The following RAP1B variants were observed in gnomAD, a reference collection of about 807,000 sequenced individuals.
RAP1B encodes RAP1B, member of RAS oncogene family.
A neutral mutation model predicts 27.5 loss-of-function variants in RAP1B; 1 was observed. The observed-to-expected ratio is 0.04, with a 90% CI of 0.01 to 0.17. RAP1B has a LOEUF of 0.17. Among genes scored for constraint, RAP1B ranks in the 10% least tolerant of loss-of-function variants. RAP1B has a pLI of 1.00. For synonymous variants in RAP1B, 75 were observed against 73.1 expected (o/e 1.03, Z -0.13); for missense variants, 84 against 214.8 (o/e 0.39, Z 3.81).
At chr12:68,655,044 C>T (rs1016853445) in intron 5 of RAP1B, among the ~76,000 whole-genome samples, 1 of 152,112 alleles carries the variant, frequency 6.6e-6, no homozygotes, top group Admixed American at 6.5e-5. Flanking sequence ...GGCATGGTGG[C>T]TCACACCTCT....
chr12:68,631,958 G>C (rs967229588), intron 1 of RAP1B, among the ~76,000 whole-genome samples: 17 of 151,978 alleles, frequency 1.1e-4, no homozygotes, highest in African/African-American at 4.1e-4. Flanking sequence ...CCTCAGACAT[G>C]AGACTTTCCG....
rs368267277 is a variant in RAP1B, at chr12:68,638,226, T to C, written c.-26-10473T>C. Among the ~76,000 whole-genome samples the C allele has an allele frequency of 2.0e-5, 3 of 152,344 alleles. No individual in the cohort carries two copies. The South Asian group carries it at 6.2e-4, about 32-fold the overall frequency. Reference sequence around the variant, plus strand: ...TTGTTTTTAACTTCTTTTTATATTTTACTTCCCAGTCTTAATCTCTGTAAC... The same window carrying C: ...TTGTTTTTAACTTCTTTTTATATTTCACTTCCCAGTCTTAATCTCTGTAAC... On this transcript the variant is annotated intron_variant, in intron 1 of 7. Coordinates refer to ENST00000250559, the MANE Select transcript of RAP1B (RefSeq NM_001010942.3).
At chr12:68,647,573 CTTTT>C (rs535209428) in intron 1 of RAP1B, among the ~76,000 whole-genome samples, 1 of 142,006 alleles carries the variant, frequency 7.0e-6, no homozygotes, top group African/African-American at 2.6e-5. Flanking sequence ...CTTTTTTTCC[CTTTT>C]TTTTTTTTTT....
intron 1 of RAP1B, 33 bp downstream of exon 1, chr12:68,611,076 A>AGCCGCGGCGGCG (rs1870530340): frequency 4.1e-6 from 1 of 246,400 alleles, no homozygotes; most frequent in Non-Finnish European, 7.7e-6. Flanking sequence ...CGCTGAGGGA[A>AGCCGCGGCGGCG]GCCGCGGCGG....
At chr12:68,647,169 C>G (rs554557520) in intron 1 of RAP1B, among the ~76,000 whole-genome samples, 1 of 152,228 alleles carries the variant, frequency 6.6e-6, no homozygotes, top group South Asian at 2.1e-4. Context: ...TCTCATGCCT[C>G]GGCTTTGCGA....
intron 1 of RAP1B, among the ~76,000 whole-genome samples, chr12:68,630,097 A>G (rs1476005473): frequency 6.6e-6 from 1 of 152,186 alleles, no homozygotes; most frequent in Non-Finnish European, 1.5e-5. Context: ...CATTCTCAAC[A>G]CTGCACTTAG....
intron 1 of RAP1B, among the ~76,000 whole-genome samples, chr12:68,613,041 A>G (rs1870717262): frequency 6.6e-6 from 1 of 152,184 alleles, no homozygotes; most frequent in African/African-American, 2.4e-5. Context: ...TTAATTTTAA[A>G]ATGTTGTATG....
intron 1 of RAP1B, among the ~76,000 whole-genome samples, chr12:68,622,202 G>A (rs533761845): frequency 8.4e-4 from 128 of 152,120 alleles, no homozygotes; most frequent in African/African-American, 2.9e-3. Context: ...AGGTCTTTTC[G>A]GGCTTTCAAA....
rs63676662 is a variant in RAP1B at position 68,662,008 on chromosome 12, C to CTATATATATATATA, written c.*2771_*2784dup. Reference sequence around the variant, plus strand: ...TGAATGCCAGTGCTATCCTCTAGGTCTATATATATATATATATATATATAT... The same window carrying CTATATATATATATA: ...TGAATGCCAGTGCTATCCTCTAGGTCTATATATATATATATATATATATATATATATATATATAT... On this transcript the variant is annotated 3_prime_UTR_variant, in exon 8 of 8. Transcript: ENST00000250559. 2.3e-3 allele frequency: 309 copies of CTATATATATATATA among 133,826 alleles called. No individual in the cohort carries two copies. Among genetic ancestry groups the CTATATATATATATA allele is most frequent in the Admixed American group, 3.2e-3 (42 of 13,028 alleles). The allele number at this position is 133,826 out of a possible 1,614,324, so 8.3% of individuals were successfully genotyped here.
At chr12:68,613,749 A>AGC (rs1419466835) in intron 1 of RAP1B, among the ~76,000 whole-genome samples, 1 of 152,246 alleles carries the variant, frequency 6.6e-6, no homozygotes, top group Non-Finnish European at 1.5e-5. Flanking sequence ...TGTAATGGTT[A>AGC]GCGTTTGAAT....
chr12:68,632,021 CT>C (rs1307154610), intron 1 of RAP1B, among the ~76,000 whole-genome samples: 1 of 147,904 alleles, frequency 6.8e-6, no homozygotes, highest in Admixed American at 6.8e-5. Flanking sequence ...ATGTAGCCAT[CT>C]TTTTTGCATA....
intron 6 of RAP1B, 63 bp from the exon 7 acceptor site, chr12:68,657,038 C>G: frequency 7.4e-7 from 1 of 1,357,804 alleles, no homozygotes. Context: ...TTTCAATTTA[C>G]TTTTTTCATT....
rs1871335654 is a variant in RAP1B at position 68,620,777 on chromosome 12, A to G, written c.-27+9734A>G. 1.3e-5 allele frequency among the ~76,000 whole-genome samples: 2 copies of G among 152,028 alleles called. 1 individual carries two copies. The highest frequency in any genetic ancestry group is 4.1e-4 in the South Asian group (2 of 4,830). On this transcript the variant is annotated intron_variant, in intron 1 of 7. Coordinates refer to ENST00000250559, the MANE Select transcript of RAP1B (RefSeq NM_001010942.3). ...ACACCCAACTAACTTTTGTAGAGAC[A>G]GGGTTTTGCCATGTTGCCCAGGCTG...
At position 68,665,601 on chromosome 12, in the gene RAP1B, C is replaced by G. The variant is rs1874812429; in HGVS notation, c.*6352C>G. ...ATTGAGAATACAGCATCTTTTATGG[C>G]AAAGAGCAAAATACTATTGTTCCTC... On this transcript the variant is annotated 3_prime_UTR_variant, in exon 8 of 8. Coordinates refer to ENST00000250559, the MANE Select transcript of RAP1B (RefSeq NM_001010942.3). The G allele has an allele frequency of 6.6e-6, 1 of 152,052 alleles. No individual in the cohort carries two copies. The highest frequency in any genetic ancestry group is 6.6e-5 in the Admixed American group (1 of 15,252). 9.4% of individuals were successfully genotyped at this position (152,052 alleles called of 1,614,324 possible).
At chr12:68,613,104 C>G (rs905769427) in intron 1 of RAP1B, among the ~76,000 whole-genome samples, 1 of 152,080 alleles carries the variant, frequency 6.6e-6, no homozygotes, top group African/African-American at 2.4e-5. Context: ...CCTGTAATCC[C>G]AGCACTTTGG....
chr12:68,617,598 A>AT (rs1871118577), intron 1 of RAP1B, among the ~76,000 whole-genome samples: 1 of 152,196 alleles, frequency 6.6e-6, no homozygotes, highest in South Asian at 2.1e-4. Flanking sequence ...ATCATCCGTA[A>AT]TGCCATCACT....
At position 68,654,543 on chromosome 12, in the gene RAP1B, G is replaced by A. The variant is rs73332555; in HGVS notation, c.324+291G>A. Among the ~76,000 whole-genome samples, 7,956 of 150,588 alleles carry A rather than the reference G, an allele frequency of 0.053. 687 individuals are homozygous for A. Among genetic ancestry groups the A allele is most frequent in the African/African-American group, 0.18 (7,538 of 40,898 alleles). Reference sequence around the variant, plus strand: ...GTCTTGCACTGTTGCCCAGGCTGAAGTGCTGTGGTGCGATAGCTGTACCTC... The same window carrying A: ...GTCTTGCACTGTTGCCCAGGCTGAAATGCTGTGGTGCGATAGCTGTACCTC... On this transcript the variant is annotated intron_variant, in intron 5 of 7. Transcript: ENST00000250559.
rs144863639 is a variant in RAP1B at position 68,613,684 on chromosome 12, A to C, written c.-27+2641A>C. Among the ~76,000 whole-genome samples the C allele has an allele frequency of 9.1e-3, 1,391 of 152,334 alleles. 10 individuals are homozygous for C. Among genetic ancestry groups the C allele is most frequent in the South Asian group, 0.019 (94 of 4,828 alleles). On this transcript the variant is annotated intron_variant, in intron 1 of 7. Coordinates refer to ENST00000250559, the MANE Select transcript of RAP1B (RefSeq NM_001010942.3). ...GGACTTAATCCATTTCATTCTTCAC[A>C]GTAATCTTCCTAGCGCGTTGCCTGG... is the stretch of plus-strand genomic sequence containing the variant.
At chr12:68,643,119 C>T (rs1243684686) in intron 1 of RAP1B, 1 of 586,462 alleles carries the variant, frequency 1.7e-6, no homozygotes, top group African/African-American at 1.9e-5. Flanking sequence ...GTTTTTCTTC[C>T]AAAATCTCTT....
Sources: allele counts gnomAD v4.1 joint callset (sites outside exome capture counted in the v4.1 genomes callset), GRCh38; gene constraint gnomAD v4.1.1; transcripts MANE v1.5; gene names NCBI Gene and HGNC (gene_info 2026-07-23, HGNC 2026-07-21).